The following ZFHX3 variants were observed in gnomAD, a reference collection of about 807,000 sequenced individuals.
The protein encoded by ZFHX3 is zinc finger homeobox 3, also known as zinc finger homeobox protein 3.
Under a neutral mutation model 279.1 loss-of-function variants are expected in ZFHX3, and 42 were observed. The observed-to-expected ratio is 0.15, with a 90% CI of 0.12 to 0.19. The LOEUF is 0.19. Ranked by LOEUF, ZFHX3 falls within the 10% of genes least tolerant of loss-of-function variation. The pLI is 1.00. For missense variants in ZFHX3, 4,981 were observed against 4,754.0 expected, an observed-to-expected ratio of 1.05 and a Z score of -1.40; for synonymous variants, 2,293 against 1,957.8, an observed-to-expected ratio of 1.17 and a Z score of -4.52.
chr16:73,308,540 A>T (rs1030188503), intron 4 of ZFHX3, among the ~76,000 whole-genome samples: 2 of 151,758 alleles, frequency 1.3e-5, no homozygotes, highest in African/African-American at 4.8e-5. Flanking sequence ...AGTTCACCAG[A>T]TGGTGATCCA....
intron 3 of ZFHX3, among the ~76,000 whole-genome samples, chr16:72,925,208 T>A (rs1362684873): frequency 6.6e-6 from 1 of 152,174 alleles, no homozygotes; most frequent in Admixed American, 6.5e-5. Flanking sequence ...AAATCGGTCG[T>A]GAGGCTGCCC....
chr16:73,387,501 G>GT, intron 3 of ZFHX3, among the ~76,000 whole-genome samples: 1 of 151,988 alleles, frequency 6.6e-6, no homozygotes, highest in African/African-American at 2.4e-5. Context: ...CTGTGGCAGG[G>GT]TTTTTTTGTT....
At chr16:73,804,145 G>T (rs1031589757) in intron 1 of ZFHX3, among the ~76,000 whole-genome samples, 1 of 152,138 alleles carries the variant, frequency 6.6e-6, no homozygotes, top group Non-Finnish European at 1.5e-5. Context: ...TGCCAGAGCA[G>T]ACCCTGTCTC....
intron 1 of ZFHX3, among the ~76,000 whole-genome samples, chr16:73,783,921 A>C (rs28544244): frequency 3.3e-5 from 5 of 152,140 alleles, no homozygotes; most frequent in Admixed American, 1.3e-4. Flanking sequence ...GGTAGCATCC[A>C]TACCAGGTTG....
chr16:72,946,039 T>C (rs1388615108), intron 3 of ZFHX3, among the ~76,000 whole-genome samples: 2 of 152,118 alleles, frequency 1.3e-5, no homozygotes, highest in Non-Finnish European at 2.9e-5. Context: ...CTGCTGGGAG[T>C]GTGAATCCCA....
At chr16:72,870,838 C>T (rs574521999) in intron 4 of ZFHX3, among the ~76,000 whole-genome samples, 2 of 151,656 alleles carry the variant, frequency 1.3e-5, no homozygotes, top group African/African-American at 2.4e-5. Flanking sequence ...ACTATAATAA[C>T]CTAATAGTTT....
At chr16:73,241,790 CAAAAAAAAAAAAA>C (rs60214410) in intron 5 of ZFHX3, among the ~76,000 whole-genome samples, 18 of 51,282 alleles carry the variant, frequency 3.5e-4, no homozygotes, top group Non-Finnish European at 2.0e-4. Context: ...AACTCCGTCT[CAAAAAAAAAAAAA>C]AAAAAAAAAA....
intron 1 of ZFHX3, among the ~76,000 whole-genome samples, chr16:73,707,839 C>T (rs2053319982): frequency 1.3e-5 from 2 of 151,616 alleles, no homozygotes; most frequent in Non-Finnish European, 2.9e-5. Flanking sequence ...TGATAAATAG[C>T]AGATTCAGAA....
At chr16:73,514,880 C>T (rs1194783841) in intron 2 of ZFHX3, among the ~76,000 whole-genome samples, 1 of 152,136 alleles carries the variant, frequency 6.6e-6, no homozygotes, top group African/African-American at 2.4e-5. Flanking sequence ...ACCAGGATCC[C>T]TATCCCAGCC....
At chr16:73,668,060 AATG>A (rs1196452666) in intron 2 of ZFHX3, among the ~76,000 whole-genome samples, 5 of 152,194 alleles carry the variant, frequency 3.3e-5, no homozygotes, top group African/African-American at 1.2e-4. Flanking sequence ...CCTTCTTGAA[AATG>A]ATAAGTCACC....
chr16:73,322,262 C>T (rs1019497691), intron 3 of ZFHX3, among the ~76,000 whole-genome samples: 5 of 143,632 alleles, frequency 3.5e-5, no homozygotes, highest in African/African-American at 9.9e-5. Flanking sequence ...AGAGAGAACG[C>T]ATTTGAATCT....
intron 1 of ZFHX3, among the ~76,000 whole-genome samples, chr16:73,800,723 T>G (rs576843034): frequency 3.9e-5 from 6 of 152,130 alleles, no homozygotes; most frequent in Non-Finnish European, 8.8e-5. Flanking sequence ...CGTGTCATCC[T>G]TTTGAGCTGC....
chr16:73,855,063 T>A (rs1017148944), intron 1 of ZFHX3, among the ~76,000 whole-genome samples: 13 of 152,068 alleles, frequency 8.5e-5, no homozygotes, highest in Non-Finnish European at 1.6e-4. Context: ...TAATCCAGCA[T>A]GGAGCAAAAT....
intron 1 of ZFHX3, among the ~76,000 whole-genome samples, chr16:73,758,291 G>C (rs1020070271): frequency 1.3e-5 from 2 of 152,144 alleles, no homozygotes; most frequent in African/African-American, 4.8e-5. Context: ...CTCTAAGTGA[G>C]GCATTGTGCT....
chr16:73,781,566 C>T (rs77884758), intron 1 of ZFHX3, among the ~76,000 whole-genome samples: 3,136 of 152,262 alleles, frequency 0.021, 119 homozygotes, highest in African/African-American at 0.072. Flanking sequence ...GACTGTGTGG[C>T]CTCCAAAGTT....
At chr16:72,972,971 C>G (rs1267006047) in intron 1 of ZFHX3, among the ~76,000 whole-genome samples, 1 of 152,206 alleles carries the variant, frequency 6.6e-6, no homozygotes, top group African/African-American at 2.4e-5. Context: ...TTGTACTCTT[C>G]CCCCTTGGCT....
At position 73,691,403 on chromosome 16, in the gene ZFHX3, G is replaced by A. The variant is rs2053148330; in HGVS notation, c.-1607-11163C>T. Among the ~76,000 whole-genome samples, 3 of 152,218 alleles carry A rather than the reference G, an allele frequency of 2.0e-5. No homozygotes were observed. In the South Asian group the frequency reaches 6.2e-4, roughly 32 times the overall value. On this transcript the variant is annotated intron_variant, in intron 1 of 17. Coordinates refer to the ZFHX3 transcript ENST00000641206. ...AAAGAGCTTCAACACTGCTGTCCAT[G>A]AAAGAGTAATATTATCTCCAACCTT...
intron 1 of ZFHX3, among the ~76,000 whole-genome samples, chr16:73,022,854 A>C (rs1184826295): frequency 1.3e-5 from 2 of 152,140 alleles, no homozygotes; most frequent in South Asian, 2.1e-4. Context: ...CTGAAGACCC[A>C]AAATGGCCAA....
intron 2 of ZFHX3, among the ~76,000 whole-genome samples, chr16:73,606,478 C>T (rs977858783): frequency 1.8e-3 from 170 of 95,068 alleles, no homozygotes; most frequent in African/African-American, 6.7e-3. Context: ...AAGAGTGAGA[C>T]TTTGTCTCAA....
Sources: allele counts gnomAD v4.1 joint callset (sites outside exome capture counted in the v4.1 genomes callset), GRCh38; gene constraint gnomAD v4.1.1; transcripts MANE v1.5; gene names NCBI Gene and HGNC (gene_info 2026-07-23, HGNC 2026-07-21).